NHSL2: variants seen among roughly 807,000 people sequenced by gnomAD.
The protein encoded by NHSL2 is NHS-like protein 2.
A neutral mutation model predicts 53.4 loss-of-function variants in NHSL2; 27 were observed. The ratio of observed to expected loss-of-function variants is 0.51; its 90% CI spans 0.37 to 0.70. The LOEUF (loss-of-function observed/expected upper bound fraction) is 0.70, where lower values mean the gene tolerates loss of function less well. Among genes scored for constraint, NHSL2 ranks in the 30% least tolerant of loss-of-function variants. The pLI, the probability that NHSL2 is intolerant of heterozygous loss-of-function variation, is 0.00. For missense variants in NHSL2, 892 were observed against 980.1 expected, an observed-to-expected ratio of 0.91 and a Z score of 1.20; for synonymous variants, 408 against 404.1, an observed-to-expected ratio of 1.01 and a Z score of -0.12.
intron 1 of NHSL2, among the ~76,000 whole-genome samples, chrX:71,963,936 A>T (rs2041879818): frequency 1.3e-5 from 1 of 75,637 alleles, no homozygotes; most frequent in Non-Finnish European, 2.7e-5. Flanking sequence ...AAAGAAAGAG[A>T]AAGGTGGAGT....
chrX:72,107,105 A>G (rs1490278034), intron 1 of NHSL2, among the ~76,000 whole-genome samples: 1 of 110,413 alleles, frequency 9.1e-6, no homozygotes, highest in Non-Finnish European at 1.9e-5. Flanking sequence ...TAGAACTCAG[A>G]GTATAATAAA....
At chrX:72,080,462 G>A (rs1374226682) in intron 1 of NHSL2, among the ~76,000 whole-genome samples, 1 of 111,244 alleles carries the variant, frequency 9.0e-6, no homozygotes, top group African/African-American at 3.3e-5. Context: ...ATCCTCTGAA[G>A]GGAATTCATA....
intron 1 of NHSL2, among the ~76,000 whole-genome samples, chrX:72,050,629 C>A (rs746867326): frequency 1.8e-5 from 2 of 111,777 alleles, no homozygotes; most frequent in Non-Finnish European, 3.8e-5. Context: ...CCTGGTGGCT[C>A]ATGCCTATAA....
intron 1 of NHSL2, among the ~76,000 whole-genome samples, chrX:72,081,130 C>G (rs1325673415): frequency 1.8e-5 from 2 of 112,589 alleles, no homozygotes; most frequent in East Asian, 2.8e-4. Flanking sequence ...AGTTTATGAG[C>G]TAAAGTGGTG....
At chrX:72,085,730 G>A (rs1298383667) in intron 1 of NHSL2, among the ~76,000 whole-genome samples, 1 of 77,023 alleles carries the variant, frequency 1.3e-5, no homozygotes, top group Non-Finnish European at 2.7e-5. Context: ...TTTTTTTTGT[G>A]GGGGGGTATA....
chrX:71,959,279 T>C (rs980260328), intron 1 of NHSL2, among the ~76,000 whole-genome samples: 32 of 112,128 alleles, frequency 2.9e-4, no homozygotes, highest in Admixed American at 2.5e-3. Flanking sequence ...TCTTTAAGGT[T>C]GATGTCAGCC....
chrX:72,134,764 T>C (rs1054208902), intron 4 of NHSL2, 60 bp downstream of exon 4: 1 of 833,770 alleles, frequency 1.2e-6, no homozygotes, highest in Admixed American at 2.7e-5. Flanking sequence ...GACCATCCTC[T>C]TTGATGCACT....
intron 1 of NHSL2, among the ~76,000 whole-genome samples, chrX:72,088,241 A>G (rs1053564104): frequency 3.6e-5 from 4 of 112,231 alleles, no homozygotes; most frequent in Admixed American, 2.8e-4. Context: ...CAAAAAAAAC[A>G]AAAACAAAAA....
At chrX:72,039,147 C>CTTTCCTTTCT (rs1251400322) in intron 1 of NHSL2, among the ~76,000 whole-genome samples, 1 of 69,507 alleles carries the variant, frequency 1.4e-5, no homozygotes, top group Admixed American at 1.8e-4. Flanking sequence ...CTTTCCTTTC[C>CTTTCCTTTCT]TTCCTTGTCT....
chrX:71,978,783 G>A (rs1269699104), intron 1 of NHSL2, among the ~76,000 whole-genome samples: 1 of 79,907 alleles, frequency 1.3e-5, no homozygotes, highest in Non-Finnish European at 2.3e-5. Context: ...TAATTATACT[G>A]TAAGTTTTAG....
Position 72,132,093 on chromosome X carries a change from G to T in NHSL2, c.295G>T (p.Gly99Cys), listed in dbSNP as rs763270329. ...DEEELAAANS[G>C]RENATATAHS... ...TCCTTCCCTAGCTGCAGCTAACTCGGGTCGGGAAAATGCGACAGCGACTGC... is the reference window on the plus strand; with the variant it reads ...TCCTTCCCTAGCTGCAGCTAACTCGTGTCGGGAAAATGCGACAGCGACTGC... The change falls in exon 2 of 8, where the codon GGT becomes TGT. Residue 99 changes from glycine (G) to cysteine (C), a missense_variant. Coordinates refer to ENST00000633930, the MANE Select transcript of NHSL2 (RefSeq NM_001013627.3). 1.7e-6 allele frequency: 2 copies of T among 1,167,196 alleles called. No homozygotes were observed. Among genetic ancestry groups the T allele is most frequent in the Non-Finnish European group, 1.1e-6 (1 of 872,494 alleles).
intron 1 of NHSL2, among the ~76,000 whole-genome samples, chrX:71,967,518 T>C (rs1226667396): frequency 1.8e-5 from 2 of 111,936 alleles, no homozygotes; most frequent in Admixed American, 9.6e-5. Flanking sequence ...TTTGTATTTC[T>C]CTTGAGATTT....
chrX:71,928,401 AC>A (rs772227981), intron 1 of NHSL2, among the ~76,000 whole-genome samples: 3 of 112,064 alleles, frequency 2.7e-5, no homozygotes, highest in African/African-American at 9.7e-5. Context: ...GGGACAGCAG[AC>A]ATATGCATAA....
Position 72,140,000 on chromosome X carries a change from C to A in NHSL2, c.2452C>A (p.Pro818Thr). The change falls in exon 6 of 8, where the codon CCA (proline) becomes ACA (threonine). Residue 818 changes from proline (P) to threonine (T), a missense_variant. Transcript: ENST00000633930. Reference sequence around the variant, plus strand: ...GGCCCAGAAAACTAATCCCAACCAGCCAATCATGCCTATGGTTACTCAGTC... The same window carrying A: ...GGCCCAGAAAACTAATCCCAACCAGACAATCATGCCTATGGTTACTCAGTC... ...KLAQKTNPNQPIMPMVTQSDL... is the reference protein window; with the variant it reads ...KLAQKTNPNQTIMPMVTQSDL... The A allele has an allele frequency of 8.3e-7, 1 of 1,210,272 alleles. No individual in the cohort carries two copies. The highest frequency in any genetic ancestry group is 1.1e-6 in the Non-Finnish European group (1 of 894,692).
chrX:71,978,534 C>T (rs556048778), intron 1 of NHSL2, among the ~76,000 whole-genome samples: 1 of 112,253 alleles, frequency 8.9e-6, no homozygotes, highest in Admixed American at 9.4e-5. Context: ...CAGCCAGACA[C>T]ACTTTATTCA....
At position 71,911,269 on chromosome X, in the gene NHSL2, T is replaced by TGGGGCGCCGCACAGACAGCCTGTACC. The variant is rs1200408499; in HGVS notation, c.185_210dup (p.Arg71GlyfsTer32). On this transcript the variant is annotated frameshift_variant, in exon 1 of 8. Transcript: ENST00000633930. LOFTEE classifies it high-confidence loss of function. Reference sequence around the variant, plus strand: ...GACCTCGAGGGGCACCTGCTGGCCCTGGGGCGCCGCACAGACAGCCTGTAC... The same window carrying TGGGGCGCCGCACAGACAGCCTGTACC: ...GACCTCGAGGGGCACCTGCTGGCCCTGGGGCGCCGCACAGACAGCCTGTACCGGGGCGCCGCACAGACAGCCTGTAC... 9.0e-5 allele frequency: 103 copies of TGGGGCGCCGCACAGACAGCCTGTACC among 1,142,752 alleles called. No individual in the cohort carries two copies. Among genetic ancestry groups the TGGGGCGCCGCACAGACAGCCTGTACC allele is most frequent in the East Asian group, 1.3e-4 (4 of 29,754 alleles). The allele number at this position is 1,142,752 out of a possible 1,213,427, so 94.2% of individuals were successfully genotyped here. A position where few individuals can be genotyped will look rare whatever the true frequency, so the allele number is the denominator to read the frequency against.
chrX:72,089,624 A>G (rs1254770546), intron 1 of NHSL2, among the ~76,000 whole-genome samples: 1 of 110,928 alleles, frequency 9.0e-6, no homozygotes, highest in Non-Finnish European at 1.9e-5. Context: ...TTTCCAGAGG[A>G]AAGTGTGAAG....
intron 1 of NHSL2, among the ~76,000 whole-genome samples, chrX:72,063,597 C>A (rs995315796): frequency 1.8e-5 from 2 of 111,579 alleles, no homozygotes; most frequent in African/African-American, 6.5e-5. Context: ...TTCACAGATA[C>A]CAAATTATTT....
chrX:72,137,287 AC>A, intron 5 of NHSL2, 62 bp downstream of exon 5: 2 of 1,054,784 alleles, frequency 1.9e-6, no homozygotes, highest in Non-Finnish European at 2.6e-6. Flanking sequence ...CAATCCTGCC[AC>A]CCAGGTGGTA....
Sources: gnomAD v4.1 joint callset for allele counts (sites outside exome capture counted in the v4.1 genomes callset) on GRCh38, gnomAD v4.1.1 for gene constraint, MANE v1.5 for transcripts, NCBI Gene and HGNC (gene_info 2026-07-23, HGNC 2026-07-21) for gene names.